Variants in MEGF11 observed in about 807,000 individuals in gnomAD.
MEGF11 encodes the protein multiple epidermal growth factor-like domains protein 11.
A neutral mutation model predicts 146.6 loss-of-function variants in MEGF11; 126 were observed. That is an observed-to-expected ratio of 0.86 (90% CI 0.74 to 1.00). The LOEUF (loss-of-function observed/expected upper bound fraction) is 1.00. Among genes scored for constraint, MEGF11 ranks in the 50% least tolerant of loss-of-function variants. The probability of loss-of-function intolerance (pLI) is 0.00; values close to 1 mark genes in which losing one functional copy is unlikely to be tolerated. For synonymous variants in MEGF11, 532 were observed against 583.4 expected (o/e 0.91, Z 1.27); for missense variants, 1,509 against 1,521.2 (o/e 0.99, Z 0.13).
At chr15:65,918,988 G>A (rs548451157) in intron 15 of MEGF11, among the ~76,000 whole-genome samples, 42 of 152,274 alleles carry the variant, frequency 2.8e-4, no homozygotes, top group Middle Eastern at 6.8e-3. Context: ...AAATAAAGTC[G>A]ATCCTGGAGA....
intron 1 of MEGF11, among the ~76,000 whole-genome samples, chr15:66,214,800 G>A (rs974949366): frequency 6.6e-6 from 1 of 152,126 alleles, no homozygotes; most frequent in Non-Finnish European, 1.5e-5. Flanking sequence ...GGTACAGGCT[G>A]CCCCTTCCTC....
intron 10 of MEGF11, among the ~76,000 whole-genome samples, chr15:65,955,791 T>TACAC (rs1415493514): frequency 0.018 from 162 of 9,078 alleles, 6 homozygotes; most frequent in Middle Eastern, 0.056. Flanking sequence ...TATATATATA[T>TACAC]ATACACACAC....
intron 24 of MEGF11, among the ~76,000 whole-genome samples, chr15:65,902,783 C>T (rs2078527042): frequency 6.6e-6 from 1 of 152,184 alleles, no homozygotes; most frequent in African/African-American, 2.4e-5. Context: ...GTTCCTGCCT[C>T]CCCACATAGT....
rs573442757 is a variant in MEGF11, at chr15:66,179,826, C to G, written c.-8-51415G>C. Among the ~76,000 whole-genome samples, 3 of 149,638 alleles carry G rather than the reference C, an allele frequency of 2.0e-5. No homozygotes were observed. The South Asian group carries it at 6.6e-4, about 33-fold the overall frequency. On this transcript the variant is annotated intron_variant, in intron 1 of 25. Coordinates refer to ENST00000395614, the MANE Select transcript of MEGF11 (RefSeq NM_001385028.1). Reference sequence around the variant, plus strand: ...GCCCCTGCCACCACCCCCCCACCCCCACCAACACACAGTGCCTAACACCCT... The same window carrying G: ...GCCCCTGCCACCACCCCCCCACCCCGACCAACACACAGTGCCTAACACCCT...
intron 10 of MEGF11, among the ~76,000 whole-genome samples, chr15:65,953,717 C>T (rs1304644359): frequency 2.0e-5 from 3 of 152,060 alleles, no homozygotes; most frequent in Non-Finnish European, 4.4e-5. Flanking sequence ...GATTCCACTT[C>T]CAATGTCCTG....
intron 20 of MEGF11, 57 bp from the exon 21 acceptor site, chr15:65,912,257 C>A: frequency 9.7e-7 from 1 of 1,030,668 alleles, no homozygotes; most frequent in Non-Finnish European, 1.2e-6. Flanking sequence ...GCATGAGATA[C>A]CCCCAGTACT....
intron 5 of MEGF11, among the ~76,000 whole-genome samples, chr15:66,051,321 T>C (rs2084436540): frequency 6.6e-6 from 1 of 151,964 alleles, no homozygotes; most frequent in South Asian, 2.1e-4. Flanking sequence ...TCTCATTGCT[T>C]CCATTTTCCA....
At chr15:66,251,029 C>A (rs1267981742) in intron 1 of MEGF11, among the ~76,000 whole-genome samples, 2 of 152,206 alleles carry the variant, frequency 1.3e-5, no homozygotes, top group African/African-American at 4.8e-5. Flanking sequence ...CCCCACCACA[C>A]TTGGCTCATG....
intron 19 of MEGF11, among the ~76,000 whole-genome samples, chr15:65,915,141 A>G (rs571921366): frequency 4.6e-5 from 7 of 152,332 alleles, no homozygotes; most frequent in African/African-American, 1.2e-4. Flanking sequence ...AACCTACCCA[A>G]GGACACCTGG....
chr15:66,112,334 C>T (rs1234767662), intron 4 of MEGF11, among the ~76,000 whole-genome samples: 2 of 152,138 alleles, frequency 1.3e-5, no homozygotes, highest in African/African-American at 4.8e-5. Flanking sequence ...GAACCAATGG[C>T]ACTCCTAGAA....
chr15:66,038,430 C>T (rs1567212751), intron 5 of MEGF11, among the ~76,000 whole-genome samples: 2 of 152,146 alleles, frequency 1.3e-5, no homozygotes. Context: ...CTAAAGTCCC[C>T]TCAGTGGCTA....
At chr15:66,240,312 A>T (rs1005412906) in intron 1 of MEGF11, among the ~76,000 whole-genome samples, 1 of 152,230 alleles carries the variant, frequency 6.6e-6, no homozygotes, top group African/African-American at 2.4e-5. Context: ...TCGGAGACAC[A>T]GACAAGGGTG....
chr15:66,052,693 T>C (rs114072028), intron 5 of MEGF11, among the ~76,000 whole-genome samples: 4 of 152,280 alleles, frequency 2.6e-5, no homozygotes, highest in African/African-American at 9.6e-5. Flanking sequence ...ACTACCATCA[T>C]CCAGGCCTCC....
intron 1 of MEGF11, among the ~76,000 whole-genome samples, chr15:66,133,760 T>C (rs2088764864): frequency 6.6e-6 from 1 of 152,148 alleles, no homozygotes; most frequent in Non-Finnish European, 1.5e-5. Context: ...TTATGTTGAA[T>C]GCTTTCTAAT....
chr15:66,170,717 A>T (rs769760140), intron 1 of MEGF11, among the ~76,000 whole-genome samples: 76 of 152,114 alleles, frequency 5.0e-4, no homozygotes, highest in Non-Finnish European at 9.1e-4. Flanking sequence ...GGACACTGTG[A>T]TGCCCCTTCC....
At chr15:66,097,752 C>CAAAAAAA (rs59635353) in intron 4 of MEGF11, among the ~76,000 whole-genome samples, 3 of 138,976 alleles carry the variant, frequency 2.2e-5, no homozygotes, top group Admixed American at 7.2e-5. Flanking sequence ...CAAAAAACTA[C>CAAAAAAA]AAAAAAAAAA....
chr15:66,223,611 T>C (rs1306179102), intron 1 of MEGF11, among the ~76,000 whole-genome samples: 2 of 152,134 alleles, frequency 1.3e-5, no homozygotes, highest in Non-Finnish European at 1.5e-5. Context: ...TAATCCCAGC[T>C]ACTCGGGAGG....
At chr15:66,201,972 A>C (rs1184122135) in intron 1 of MEGF11, among the ~76,000 whole-genome samples, 1 of 140,284 alleles carries the variant, frequency 7.1e-6, no homozygotes, top group Non-Finnish European at 1.6e-5. Flanking sequence ...AAAAAAAAAA[A>C]AAACCTGCCT....
intron 5 of MEGF11, among the ~76,000 whole-genome samples, chr15:66,037,087 T>C (rs1026619555): frequency 6.6e-6 from 1 of 152,212 alleles, no homozygotes; most frequent in African/African-American, 2.4e-5. Flanking sequence ...TTACCCTGCA[T>C]GCAGATGGCC....
Sources: gnomAD v4.1 joint callset for allele counts (sites outside exome capture counted in the v4.1 genomes callset) on GRCh38, gnomAD v4.1.1 for gene constraint, MANE v1.5 for transcripts, NCBI Gene and HGNC (gene_info 2026-07-23, HGNC 2026-07-21) for gene names.